PYHIN1: variants seen among roughly 807,000 people sequenced by gnomAD.
The protein encoded by PYHIN1 is pyrin and HIN domain family member 1, also known as pyrin and HIN domain-containing protein 1.
In PYHIN1, 32 loss-of-function variants were observed where a neutral mutation model predicts 43.7. The observed-to-expected ratio is 0.73, with a 90% confidence interval of 0.55 to 0.98. PYHIN1 has a LOEUF of 0.98. Ranked by LOEUF, PYHIN1 falls within the 50% of genes least tolerant of loss-of-function variation. The pLI is 0.00. For missense variants in PYHIN1, 588 were observed against 589.5 expected (o/e 1.00, Z 0.03); for synonymous variants, 205 against 203.1 (o/e 1.01, Z -0.08).
chr1:158,973,018 A>G (rs1037375565), intron 7 of PYHIN1, among the ~76,000 whole-genome samples: 1 of 152,070 alleles, frequency 6.6e-6, no homozygotes, highest in Non-Finnish European at 1.5e-5. Flanking sequence ...TGGACTGTGT[A>G]GTCACCTGCC....
intron 1 of PYHIN1, among the ~76,000 whole-genome samples, 199 bp from the exon 2 acceptor site, chr1:158,936,692 T>C (rs547423606): frequency 9.4e-4 from 143 of 152,316 alleles, no homozygotes; most frequent in Non-Finnish European, 1.8e-3. Context: ...TGATGGGACG[T>C]ATCTCAAAAT....
chr1:158,936,126 T>C (rs1429166829), intron 1 of PYHIN1, among the ~76,000 whole-genome samples: 2 of 151,598 alleles, frequency 1.3e-5, no homozygotes, highest in Non-Finnish European at 2.9e-5. Flanking sequence ...TTGTTACATA[T>C]GTATACATGT....
chr1:158,972,385 A>G (rs1156670086), intron 7 of PYHIN1, among the ~76,000 whole-genome samples: 1 of 152,042 alleles, frequency 6.6e-6, no homozygotes, highest in African/African-American at 2.4e-5. Context: ...TTATTTTACT[A>G]TATTTCTCAT....
chr1:158,943,742 C>A, intron 5 of PYHIN1, 48 bp from the exon 6 acceptor site: 1 of 1,417,210 alleles, frequency 7.1e-7, no homozygotes, highest in Non-Finnish European at 9.8e-7. Context: ...CCTATATGCA[C>A]GGTAGTTACT....
chr1:158,966,087 A>G (rs1650616610), intron 7 of PYHIN1, among the ~76,000 whole-genome samples: 2 of 152,206 alleles, frequency 1.3e-5, no homozygotes, highest in South Asian at 4.1e-4. Flanking sequence ...TTCAGAGACT[A>G]CTATAATCAC....
At chr1:158,937,242 G>T in intron 2 of PYHIN1, 67 bp downstream of exon 2, 1 of 1,478,996 alleles carries the variant, frequency 6.8e-7, no homozygotes, top group Non-Finnish European at 9.0e-7. Context: ...TGATTAGAAC[G>T]CCACCTTGGT....
intron 5 of PYHIN1, among the ~76,000 whole-genome samples, chr1:158,943,541 T>C (rs116553203): frequency 0.01 from 1,585 of 152,184 alleles, 37 homozygotes; most frequent in African/African-American, 0.037. Context: ...TGAAAGAAGT[T>C]GAAAATGGGA....
At chr1:158,971,669 T>G (rs1221984169) in intron 7 of PYHIN1, among the ~76,000 whole-genome samples, 1 of 152,022 alleles carries the variant, frequency 6.6e-6, no homozygotes, top group African/African-American at 2.4e-5. Context: ...CCTTTGTGTA[T>G]TTGCTTGATG....
At chr1:158,944,086 C>A in intron 6 of PYHIN1, 108 bp downstream of exon 6, 1 of 784,856 alleles carries the variant, frequency 1.3e-6, no homozygotes, top group Non-Finnish European at 1.9e-6. Flanking sequence ...CTGCAGAGTT[C>A]ATGAGAAACC....
At chr1:158,936,079 C>T (rs958236868) in intron 1 of PYHIN1, among the ~76,000 whole-genome samples, 9 of 151,838 alleles carry the variant, frequency 5.9e-5, no homozygotes. Flanking sequence ...TATTATTATA[C>T]TTTAAGTTTT....
downstream of PYHIN1, among the ~76,000 whole-genome samples, chr1:158,981,896 T>A (rs2101750256): frequency 6.6e-6 from 1 of 152,316 alleles, no homozygotes; most frequent in East Asian, 1.9e-4. Context: ...TAATGATTAG[T>A]GATATTGAGC....
At chr1:158,987,011 T>A in the PYHIN1 span, among the ~76,000 whole-genome samples, 3 of 152,232 alleles carry the variant, frequency 2.0e-5, no homozygotes, top group East Asian at 5.8e-4. Context: ...ATTATACCAT[T>A]GTGCATTCCC....
chr1:158,972,242 A>C (rs1362728100), intron 7 of PYHIN1, among the ~76,000 whole-genome samples: 1 of 152,060 alleles, frequency 6.6e-6, no homozygotes, highest in Non-Finnish European at 1.5e-5. Flanking sequence ...AAATGTCACA[A>C]ACCCCATCTG....
At chr1:158,971,001 G>A (rs573897959) in intron 7 of PYHIN1, among the ~76,000 whole-genome samples, 1 of 151,946 alleles carries the variant, frequency 6.6e-6, no homozygotes, top group Non-Finnish European at 1.5e-5. Flanking sequence ...TTGTAGTTGA[G>A]GGAGTATGTT....
At chr1:158,973,444 A>G (rs1294555917) in intron 7 of PYHIN1, among the ~76,000 whole-genome samples, 1 of 151,546 alleles carries the variant, frequency 6.6e-6, no homozygotes, top group Non-Finnish European at 1.5e-5. Flanking sequence ...GGTTAAGAAA[A>G]CTAAATGTAT....
At chr1:158,974,841 A>T (rs545543179) in intron 8 of PYHIN1, among the ~76,000 whole-genome samples, 24 of 152,194 alleles carry the variant, frequency 1.6e-4, no homozygotes, top group African/African-American at 5.8e-4. Flanking sequence ...TGGAACGCAT[A>T]TGTAGTCATT....
intron 5 of PYHIN1, 52 bp from the exon 6 acceptor site, chr1:158,943,738 T>C: frequency 1.4e-6 from 2 of 1,388,140 alleles, no homozygotes; most frequent in African/African-American, 1.4e-5. Context: ...CTTTCCTATA[T>C]GCACGGTAGT....
chr1:158,980,937 A>T (rs117872703), downstream of PYHIN1, among the ~76,000 whole-genome samples: 91 of 152,256 alleles, frequency 6.0e-4, 1 homozygote, highest in East Asian at 0.016. Flanking sequence ...TCAGGCGGGC[A>T]TCATGGTCCT....
chr1:158,977,575 C>T (rs1014870926), downstream of PYHIN1, among the ~76,000 whole-genome samples: 1 of 152,100 alleles, frequency 6.6e-6, no homozygotes, highest in Non-Finnish European at 1.5e-5. Flanking sequence ...CTTAGGCAAA[C>T]TGAAGAATAA....
Sources: allele counts gnomAD v4.1 joint callset (sites outside exome capture counted in the v4.1 genomes callset), GRCh38; gene constraint gnomAD v4.1.1; transcripts MANE v1.5; gene names NCBI Gene and HGNC (gene_info 2026-07-23, HGNC 2026-07-21).